The following IFT57 variants were observed in gnomAD, a reference collection of about 807,000 sequenced individuals.
The protein encoded by IFT57 is intraflagellar transport protein 57 homolog.
Under a neutral mutation model 56.8 loss-of-function variants are expected in IFT57, and 59 were observed. The observed-to-expected ratio is 1.04, with a 90% CI of 0.84 to 1.29. The LOEUF is 1.29. Among genes scored for constraint, IFT57 ranks in the 50% most tolerant of loss-of-function variants. The probability of loss-of-function intolerance (pLI) is 0.00; values close to 1 mark genes in which losing one functional copy is unlikely to be tolerated. For missense variants in IFT57, 470 were observed against 522.1 expected, an observed-to-expected ratio of 0.90 and a Z score of 0.97; for synonymous variants, 209 against 186.1, an observed-to-expected ratio of 1.12 and a Z score of -1.00.
chr3:108,180,708 ACT>A (rs1443034696), intron 6 of IFT57, among the ~76,000 whole-genome samples: 7 of 152,002 alleles, frequency 4.6e-5, no homozygotes, highest in African/African-American at 1.4e-4. Flanking sequence ...TTTTAATAAA[ACT>A]CAGTGATAGA....
intron 6 of IFT57, among the ~76,000 whole-genome samples, chr3:108,181,593 G>C (rs1052288959): frequency 3.3e-5 from 5 of 152,072 alleles, no homozygotes; most frequent in African/African-American, 1.2e-4. Context: ...AATTTAGGCA[G>C]TTTATTTTAA....
At chr3:108,222,033 T>G in intron 1 of IFT57, 78 bp downstream of exon 1, 1 of 1,535,142 alleles carries the variant, frequency 6.5e-7, no homozygotes, top group Non-Finnish European at 8.8e-7. Context: ...CTCACGAAAC[T>G]GGTTCCCAGC....
In IFT57 at chr3:108,165,513, G is replaced by A. The variant is rs1266791483; in HGVS notation, c.982-20C>T. On this transcript the variant is annotated intron_variant, in intron 8 of 10. Coordinates refer to ENST00000264538, the MANE Select transcript of IFT57 (RefSeq NM_018010.4). ...CTTTGCCTGAGAGGAAAAACATTTT[G>A]TTTAATGGCAAATTCAAAGCAGCAG... The A allele has an allele frequency of 6.2e-7, 1 of 1,600,400 alleles. No homozygotes were observed. The highest frequency in any genetic ancestry group is 8.6e-7 in the Non-Finnish European group (1 of 1,168,092).
intron 6 of IFT57, among the ~76,000 whole-genome samples, chr3:108,173,998 G>C (rs327161): frequency 9.8e-6 from 1 of 101,820 alleles, no homozygotes. Context: ...ATATATTTGA[G>C]TGTGTGTGTG....
At chr3:108,192,788 TACTG>T (rs971372186) in intron 5 of IFT57, among the ~76,000 whole-genome samples, 1 of 152,066 alleles carries the variant, frequency 6.6e-6, no homozygotes. Flanking sequence ...ATATGGGAGA[TACTG>T]GATGATATTA....
chr3:108,215,213 AT>A (rs142984181), intron 3 of IFT57, among the ~76,000 whole-genome samples: 13,902 of 152,040 alleles, frequency 0.091, 699 homozygotes, highest in Middle Eastern at 0.12. Context: ...ATGAAAACAT[AT>A]TTTTTTTCCT....
chr3:108,221,623 C>T (rs1287918070), intron 1 of IFT57, among the ~76,000 whole-genome samples: 1 of 152,158 alleles, frequency 6.6e-6, no homozygotes, highest in Admixed American at 6.5e-5. Context: ...CCTAAGTACC[C>T]ACGGTCCCCA....
In IFT57 at chr3:108,162,567, T is replaced by C; in HGVS notation, c.1200A>G (p.Thr400=). The C allele has an allele frequency of 6.2e-7, 1 of 1,613,334 alleles. No individual in the cohort carries two copies. The highest frequency in any genetic ancestry group is 8.5e-7 in the Non-Finnish European group (1 of 1,179,464). The change falls in exon 11 of 11, where the codon ACA becomes ACG. Residue 400 remains threonine, a synonymous_variant. Transcript: ENST00000264538. ...TCTCCTTCAGCTTTGATTGGAGTAG[T>C]GTGTGTTCCACAATGCCAATTCTAA... is the stretch of plus-strand genomic sequence containing the variant. ...MDIRIGIVEH[T]LLQSKLKEKS...
chr3:108,175,703 A>G (rs1455589305), intron 6 of IFT57, among the ~76,000 whole-genome samples: 2 of 151,862 alleles, frequency 1.3e-5, no homozygotes, highest in Admixed American at 1.3e-4. Flanking sequence ...CAGGAAAAAG[A>G]GAAACTAAAT....
chr3:108,215,199 A>G (rs77427935), intron 3 of IFT57, among the ~76,000 whole-genome samples: 2,111 of 151,878 alleles, frequency 0.014, 44 homozygotes, highest in African/African-American at 0.048. Context: ...ATTTGGGCTT[A>G]TTTATGAAAA....
chr3:108,175,665 C>T (rs1158471704), intron 6 of IFT57, among the ~76,000 whole-genome samples: 2 of 151,702 alleles, frequency 1.3e-5, no homozygotes, highest in African/African-American at 4.8e-5. Flanking sequence ...ATCTCCAACT[C>T]AATGCTTAAA....
chr3:108,213,274 G>T (rs1297973103), intron 4 of IFT57, among the ~76,000 whole-genome samples: 2 of 151,886 alleles, frequency 1.3e-5, no homozygotes, highest in African/African-American at 4.8e-5. Flanking sequence ...ATTGCTCAAG[G>T]GTCAGCTGTA....
chr3:108,199,756 G>T (rs533628134), intron 5 of IFT57, among the ~76,000 whole-genome samples: 1 of 152,308 alleles, frequency 6.6e-6, no homozygotes, highest in East Asian at 1.9e-4. Context: ...TGCTAGTTAT[G>T]TTTTATAGAT....
chr3:108,218,685 T>G (rs535758907), intron 2 of IFT57, 32 bp from the exon 3 acceptor site: 146 of 1,094,524 alleles, frequency 1.3e-4, no homozygotes, highest in Non-Finnish European at 1.8e-4. Flanking sequence ...AGGGTATTAT[T>G]TGTTAGTTAT....
intron 5 of IFT57, among the ~76,000 whole-genome samples, chr3:108,200,202 G>T (rs2108321184): frequency 6.6e-6 from 1 of 152,278 alleles, no homozygotes. Flanking sequence ...GAGTAGCAGG[G>T]TGAAAAATAT....
intron 3 of IFT57, 196 bp downstream of exon 3, chr3:108,218,339 A>G: frequency 5.3e-6 from 2 of 380,856 alleles, no homozygotes; most frequent in Non-Finnish European, 9.5e-6. Flanking sequence ...TATGTAACAC[A>G]TTACTTCAGA....
intron 6 of IFT57, among the ~76,000 whole-genome samples, chr3:108,174,527 G>T (rs1328632850): frequency 2.0e-5 from 3 of 151,326 alleles, no homozygotes; most frequent in African/African-American, 7.3e-5. Flanking sequence ...AAGGTTTGGA[G>T]AGATAAATAG....
At chr3:108,204,323 T>C (rs932344063) in intron 5 of IFT57, among the ~76,000 whole-genome samples, 1 of 152,218 alleles carries the variant, frequency 6.6e-6, no homozygotes, top group African/African-American at 2.4e-5. Flanking sequence ...AGTTATGTTA[T>C]ATAATTTTTG....
At chr3:108,219,059 G>A (rs918670447) in intron 2 of IFT57, among the ~76,000 whole-genome samples, 1 of 152,074 alleles carries the variant, frequency 6.6e-6, no homozygotes, top group African/African-American at 2.4e-5. Flanking sequence ...TACAACTGCT[G>A]TCATGGTCTT....
Sources: gnomAD v4.1 joint callset for allele counts (sites outside exome capture counted in the v4.1 genomes callset) on GRCh38, gnomAD v4.1.1 for gene constraint, MANE v1.5 for transcripts, NCBI Gene and HGNC (gene_info 2026-07-23, HGNC 2026-07-21) for gene names.